The following GRHL2 variants were observed in gnomAD, a reference collection of about 807,000 sequenced individuals.
GRHL2 encodes grainyhead like transcription factor 2.
GRHL2 carries 21 observed loss-of-function variants against 83.8 expected under a neutral mutation model. The observed-to-expected ratio is 0.25, with a 90% CI of 0.18 to 0.36. The LOEUF (loss-of-function observed/expected upper bound fraction) is 0.36, where lower values mean the gene tolerates loss of function less well. GRHL2 is among the 10% of genes least tolerant of loss of function. The probability of loss-of-function intolerance (pLI) is 1.00; values close to 1 mark genes in which losing one functional copy is unlikely to be tolerated. For synonymous variants in GRHL2, 280 were observed against 278.9 expected (o/e 1.00, Z -0.04); for missense variants, 623 against 781.8 (o/e 0.80, Z 2.42).
intron 1 of GRHL2, among the ~76,000 whole-genome samples, chr8:101,509,187 T>TCTTTCTTTCTTCTCTCTTTCTTTC (rs5893565): frequency 4.7e-5 from 1 of 21,054 alleles, no homozygotes; most frequent in African/African-American, 8.1e-5. Context: ...TTTCTTTCTT[T>TCTTTCTTTCTTCTCTCTTTCTTTC]TCTCTCTTTC....
chr8:101,492,608 C>G lies in GRHL2; in HGVS notation c.-162C>G. The stretch of plus-strand genomic sequence containing the variant: ...CTAGGTGAGGGCGCGAGCGGGCGAG[C>G]GAGCGAGAGTGGTGAGGGGGGACGG... On this transcript the variant is annotated 5_prime_UTR_variant, in exon 1 of 16. Coordinates refer to ENST00000646743, the MANE Select transcript of GRHL2 (RefSeq NM_024915.4). 1.4e-6 allele frequency: 1 copy of G among 733,068 alleles called. No individual in the cohort carries two copies. The highest frequency in any genetic ancestry group is 1.5e-5 in the South Asian group (1 of 67,358). 45.4% of individuals were successfully genotyped at this position (733,068 alleles called of 1,614,324 possible).
chr8:101,573,240 C>CA (rs76573673), intron 5 of GRHL2, among the ~76,000 whole-genome samples: 4,666 of 78,838 alleles, frequency 0.059, 82 homozygotes, highest in South Asian at 0.082. Context: ...CTTGGTTAGA[C>CA]AAAAAAAAAA....
chr8:101,553,714 G>A (rs1319497996), intron 3 of GRHL2, among the ~76,000 whole-genome samples: 6 of 140,372 alleles, frequency 4.3e-5, no homozygotes, highest in Non-Finnish European at 7.5e-5. Flanking sequence ...TGTAATCTCC[G>A]CCTCCCAGGT....
At chr8:101,537,489 A>G (rs1811066737) in intron 1 of GRHL2, among the ~76,000 whole-genome samples, 1 of 152,244 alleles carries the variant, frequency 6.6e-6, no homozygotes, top group Non-Finnish European at 1.5e-5. Flanking sequence ...TAAGACCTGA[A>G]AACAGTCCAT....
chr8:101,564,153 C>A (rs993430282), intron 4 of GRHL2, among the ~76,000 whole-genome samples: 1 of 152,174 alleles, frequency 6.6e-6, no homozygotes, highest in African/African-American at 2.4e-5. Context: ...GGTTGAGCTG[C>A]TGTCCTTGTC....
intron 2 of GRHL2, among the ~76,000 whole-genome samples, chr8:101,551,245 T>C (rs1048763072): frequency 6.6e-6 from 1 of 152,236 alleles, no homozygotes; most frequent in Non-Finnish European, 1.5e-5. Flanking sequence ...AAATATAAAG[T>C]ACCAGACACT....
At chr8:101,621,884 A>AAAAAAAAT in intron 9 of GRHL2, among the ~76,000 whole-genome samples, 1 of 151,980 alleles carries the variant, frequency 6.6e-6, no homozygotes, top group Non-Finnish European at 1.5e-5. Context: ...ACCCTATCTA[A>AAAAAAAAT]AAAAAATAAA....
chr8:101,573,524 A>G, intron 5 of GRHL2, 144 bp from the exon 6 acceptor site: 1 of 933,162 alleles, frequency 1.1e-6, no homozygotes, highest in Non-Finnish European at 1.7e-6. Context: ...ATCTGGTCTC[A>G]TCTCTTTTGC....
chr8:101,572,928 A>G (rs969037843), intron 5 of GRHL2, among the ~76,000 whole-genome samples: 2 of 152,220 alleles, frequency 1.3e-5, no homozygotes, highest in African/African-American at 4.8e-5. Flanking sequence ...CAACGACTCA[A>G]CCTTGCTGCT....
intron 12 of GRHL2, among the ~76,000 whole-genome samples, chr8:101,641,858 G>A (rs141988289): frequency 2.0e-5 from 3 of 152,208 alleles, no homozygotes; most frequent in Admixed American, 6.5e-5. Context: ...CATAGTATTT[G>A]TCTATAACTG....
At chr8:101,606,092 A>G (rs1423918641) in intron 8 of GRHL2, among the ~76,000 whole-genome samples, 1 of 152,250 alleles carries the variant, frequency 6.6e-6, no homozygotes, top group Non-Finnish European at 1.5e-5. Context: ...TGATCAGAGA[A>G]GATGAAGCTT....
intron 12 of GRHL2, among the ~76,000 whole-genome samples, chr8:101,642,471 C>G (rs1367525290): frequency 6.6e-6 from 1 of 152,180 alleles, no homozygotes; most frequent in Non-Finnish European, 1.5e-5. Context: ...CTATGATTAA[C>G]CTACTAGTCA....
intron 11 of GRHL2, 113 bp downstream of exon 11, chr8:101,632,478 C>A (rs1813206106): frequency 1.6e-6 from 2 of 1,288,868 alleles, no homozygotes; most frequent in South Asian, 2.4e-5. Flanking sequence ...CTTCCATTCA[C>A]TAGAGAAAAA....
At position 101,666,610 on chromosome 8, in the gene GRHL2, C is replaced by T; in HGVS notation, c.1785C>T (p.Asp595=). ...SKKGILVNMD[D]NIIEHYSNED... ...GCAGCATCTTGGTGAACATGGATGA[C>T]AACATCATCGAGCACTACTCGAACG... Residue 595 remains aspartate (D), a synonymous_variant, in exon 16 of 16, where the codon GAC becomes GAT. Transcript: ENST00000646743. The T allele has an allele frequency of 6.2e-7, 1 of 1,610,788 alleles. No homozygotes were observed. Among genetic ancestry groups the T allele is most frequent in the Non-Finnish European group, 8.5e-7 (1 of 1,176,980 alleles).
chr8:101,560,970 C>G (rs1041709929), intron 4 of GRHL2, among the ~76,000 whole-genome samples: 1 of 151,782 alleles, frequency 6.6e-6, no homozygotes, highest in East Asian at 1.9e-4. Context: ...CCATGAGCGA[C>G]GGCATTTAAT....
chr8:101,513,812 T>G (rs1476558126), intron 1 of GRHL2, among the ~76,000 whole-genome samples: 1 of 152,126 alleles, frequency 6.6e-6, no homozygotes, highest in Non-Finnish European at 1.5e-5. Context: ...CATTTTGATA[T>G]CTGTGTTATA....
chr8:101,576,624 G>C (rs948653669), intron 6 of GRHL2, among the ~76,000 whole-genome samples: 1 of 152,150 alleles, frequency 6.6e-6, no homozygotes, highest in Non-Finnish European at 1.5e-5. Flanking sequence ...GAGTATTCCT[G>C]ATACTGTAAT....
intron 7 of GRHL2, among the ~76,000 whole-genome samples, chr8:101,594,365 A>T (rs1812350357): frequency 6.6e-6 from 1 of 152,242 alleles, no homozygotes; most frequent in African/African-American, 2.4e-5. Flanking sequence ...CATTTACAAC[A>T]TTCGGGTTTG....
chr8:101,502,875 A>C (rs1810259929), intron 1 of GRHL2, among the ~76,000 whole-genome samples: 1 of 149,544 alleles, frequency 6.7e-6, no homozygotes, highest in African/African-American at 2.5e-5. Context: ...TTTCCCTATT[A>C]CTCCTTTTAA....
Sources: gnomAD v4.1 joint callset for allele counts (sites outside exome capture counted in the v4.1 genomes callset) on GRCh38, gnomAD v4.1.1 for gene constraint, MANE v1.5 for transcripts, NCBI Gene and HGNC (gene_info 2026-07-23, HGNC 2026-07-21) for gene names.